Variants in PCDH11X observed in about 807,000 individuals in gnomAD.
The protein encoded by PCDH11X is protocadherin 11 X-linked, also known as protocadherin-11 X-linked.
A neutral mutation model predicts 53.3 loss-of-function variants in PCDH11X; 18 were observed. That is an observed-to-expected ratio of 0.34 (90% CI 0.23 to 0.50). The LOEUF is 0.50. Among genes scored for constraint, PCDH11X ranks in the 20% least tolerant of loss-of-function variants. PCDH11X has a pLI of 0.98. For synonymous variants in PCDH11X, 279 were observed against 393.3 expected (o/e 0.71, Z 3.44); for missense variants, 570 against 1,032.4 (o/e 0.55, Z 6.14).
At chrX:92,458,698 A>G (rs1569490402) in intron 9 of PCDH11X, among the ~76,000 whole-genome samples, 1 of 110,381 alleles carries the variant, frequency 9.1e-6, no homozygotes, top group Non-Finnish European at 1.9e-5. Flanking sequence ...TGTTGTTGCA[A>G]ATGACAGAAT....
At chrX:92,478,904 C>T (rs746108646) in intron 10 of PCDH11X, among the ~76,000 whole-genome samples, 64 of 110,785 alleles carry the variant, frequency 5.8e-4, no homozygotes, top group African/African-American at 1.9e-3. Context: ...TGGTCCAGTG[C>T]GGAGTTTAGT....
chrX:91,964,507 A>G (rs1303519649), intron 6 of PCDH11X, among the ~76,000 whole-genome samples: 1 of 112,166 alleles, frequency 8.9e-6, no homozygotes, highest in Non-Finnish European at 1.9e-5. Context: ...ATATTAATGA[A>G]CAATATCATT....
chrX:92,511,589 C>A (rs1053039835), intron 10 of PCDH11X, among the ~76,000 whole-genome samples: 2 of 111,211 alleles, frequency 1.8e-5, no homozygotes, highest in Non-Finnish European at 3.8e-5. Context: ...GTTTTTGTTG[C>A]TGTTAGCATT....
intron 6 of PCDH11X, among the ~76,000 whole-genome samples, chrX:92,037,422 G>T (rs1321854284): frequency 8.9e-6 from 1 of 111,797 alleles, no homozygotes; most frequent in Non-Finnish European, 1.9e-5. Flanking sequence ...GTATTCCATG[G>T]TGTATATGTA....
chrX:91,901,972 A>T (rs1440965171), intron 6 of PCDH11X, among the ~76,000 whole-genome samples: 1 of 111,290 alleles, frequency 9.0e-6, no homozygotes, highest in Non-Finnish European at 1.9e-5. Flanking sequence ...CAGGATTTGG[A>T]AAAATGGAGA....
At chrX:92,310,306 C>T (rs1023518780) in intron 8 of PCDH11X, among the ~76,000 whole-genome samples, 25 of 112,437 alleles carry the variant, frequency 2.2e-4, no homozygotes, top group African/African-American at 7.1e-4. Flanking sequence ...TCAACATCAC[C>T]GCATTCTAAA....
chrX:91,945,048 C>T (rs2525384), intron 6 of PCDH11X, among the ~76,000 whole-genome samples: 60 of 62,621 alleles, frequency 9.6e-4, no homozygotes, highest in Non-Finnish European at 1.2e-3. Flanking sequence ...ACATCATATA[C>T]ATATATATAT....
chrX:92,532,563 T>G (rs983502846), intron 10 of PCDH11X, among the ~76,000 whole-genome samples: 4 of 109,449 alleles, frequency 3.7e-5, no homozygotes, highest in Non-Finnish European at 7.6e-5. Context: ...GATGCTTACC[T>G]TTGGAAGCAG....
At chrX:92,149,461 GTGTGTGTGTGTATATA>G (rs1248166737) in intron 6 of PCDH11X, among the ~76,000 whole-genome samples, 10 of 99,239 alleles carry the variant, frequency 1.0e-4, no homozygotes, top group African/African-American at 3.3e-4. Flanking sequence ...CTCTCTGTGT[GTGTGTGTGTGTATATA>G]TGTGTGTGTG....
intron 8 of PCDH11X, among the ~76,000 whole-genome samples, chrX:92,263,521 A>C (rs761067123): frequency 1.3e-4 from 15 of 112,093 alleles, no homozygotes; most frequent in Non-Finnish European, 1.3e-4. Flanking sequence ...AAGTTAGTGA[A>C]TATAAATCAT....
rs375815892 is a variant in PCDH11X at position 92,332,908 on chromosome X, G to A, written c.3145-54827G>A. On this transcript the variant is annotated intron_variant, in intron 8 of 10. Transcript: ENST00000682573. ...GCATATTAAAGTTTAGAATAAAGTT[G>A]AGAATTTGGGTTAGACCCAGTGGAA... 1.9e-4 allele frequency among the ~76,000 whole-genome samples: 21 copies of A among 111,950 alleles called. No homozygotes were observed. In the East Asian group the frequency reaches 3.1e-3, roughly 17 times the overall value.
intron 6 of PCDH11X, among the ~76,000 whole-genome samples, chrX:92,112,331 T>TAAA (rs72029186): frequency 1.1e-5 from 1 of 89,083 alleles, no homozygotes. Flanking sequence ...GATGTTCTGG[T>TAAA]AAAAAAAAAA....
intron 10 of PCDH11X, among the ~76,000 whole-genome samples, chrX:92,502,460 T>C (rs1263444182): frequency 3.7e-5 from 4 of 109,114 alleles, no homozygotes; most frequent in African/African-American, 1.0e-4. Context: ...TCACACTACC[T>C]AACTTCAAAC....
intron 10 of PCDH11X, among the ~76,000 whole-genome samples, chrX:92,495,675 G>T (rs1400133711): frequency 9.2e-6 from 1 of 108,874 alleles, no homozygotes; most frequent in Non-Finnish European, 1.9e-5. Context: ...GGAATAAAAA[G>T]AGGTTTAATT....
At chrX:92,470,500 G>A (rs1048611824) in intron 10 of PCDH11X, among the ~76,000 whole-genome samples, 4 of 106,809 alleles carry the variant, frequency 3.7e-5, no homozygotes, top group Non-Finnish European at 7.7e-5. Context: ...TGACACTGGT[G>A]ACAGTGGTCC....
chrX:92,438,847 T>C (rs1209464559), intron 9 of PCDH11X, among the ~76,000 whole-genome samples: 1 of 111,136 alleles, frequency 9.0e-6, no homozygotes, highest in African/African-American at 3.3e-5. Flanking sequence ...AGTCCCCATG[T>C]CATATGAAAG....
chrX:92,147,837 T>TTCTTTCTTTC lies in PCDH11X; in HGVS notation c.3034-53536_3034-53527dup, dbSNP rs1569388209. On this transcript the variant is annotated intron_variant, in intron 6 of 10. Coordinates refer to ENST00000682573, the MANE Select transcript of PCDH11X (RefSeq NM_032968.5). ...TTTCTTTCTTTCTTTCTTTCTTTCT[T>TTCTTTCTTTC]TCTTTCTTTCTTTCTTTTTTCTTTT... Among the ~76,000 whole-genome samples, 97 of 95,926 alleles carry TTCTTTCTTTC rather than the reference T, an allele frequency of 1.0e-3. 6 individuals are homozygous for TTCTTTCTTTC. The highest frequency in any genetic ancestry group is 4.3e-3 in the African/African-American group (96 of 22,578). 83.3% of individuals were successfully genotyped at this position (95,926 alleles called of 115,157 possible). A position where few individuals can be genotyped will look rare whatever the true frequency, so the allele number is the denominator to read the frequency against.
intron 6 of PCDH11X, among the ~76,000 whole-genome samples, chrX:91,968,159 A>G (rs1402538384): frequency 8.9e-6 from 1 of 111,899 alleles, no homozygotes; most frequent in Non-Finnish European, 1.9e-5. Context: ...CTTCACACTT[A>G]TTTTTTAAAA....
chrX:92,339,128 A>G (rs935332281), intron 8 of PCDH11X, among the ~76,000 whole-genome samples: 3 of 111,972 alleles, frequency 2.7e-5, no homozygotes, highest in Non-Finnish European at 5.6e-5. Flanking sequence ...ACATACCAAC[A>G]TCTGATTTTT....
Sources: gnomAD v4.1 joint callset for allele counts (sites outside exome capture counted in the v4.1 genomes callset) on GRCh38, gnomAD v4.1.1 for gene constraint, MANE v1.5 for transcripts, NCBI Gene and HGNC (gene_info 2026-07-23, HGNC 2026-07-21) for gene names.